The following KLKB1 variants were observed in gnomAD, a reference collection of about 807,000 sequenced individuals.
KLKB1 encodes the protein plasma kallikrein.
A neutral mutation model predicts 73.6 loss-of-function variants in KLKB1; 58 were observed. The ratio of observed to expected loss-of-function variants is 0.79; its 90% confidence interval spans 0.64 to 0.98. The LOEUF is 0.98. Among genes scored for constraint, KLKB1 ranks in the 50% least tolerant of loss-of-function variants. The pLI is 0.00. For synonymous variants in KLKB1, 280 were observed against 258.1 expected (o/e 1.08, Z -0.81); for missense variants, 737 against 763.8 (o/e 0.96, Z 0.41).
chr4:186,251,215 A>C lies in KLKB1; in HGVS notation c.759-4A>C, dbSNP rs769134611. ...TCTCTCTTGCTTTTTTTTAAAAAAA[A>C]TAGAAATGTTTGTCTTCTTAAAACA... On this transcript the variant is annotated splice_polypyrimidine_tract_variant and splice_region_variant and intron_variant, in intron 7 of 14. Transcript: ENST00000264690. 1.5e-5 allele frequency: 23 copies of C among 1,581,190 alleles called. No homozygotes were observed. In the South Asian group the frequency reaches 2.6e-4, roughly 18 times the overall value.
intron 5 of KLKB1, 52 bp from the exon 6 acceptor site, chr4:186,238,204 C>T (rs781075638): frequency 1.0e-4 from 118 of 1,135,092 alleles, no homozygotes; most frequent in Non-Finnish European, 1.5e-4. Flanking sequence ...CTGCACTGCT[C>T]CCTGCCCCTC....
In KLKB1 at chr4:186,257,271, C is replaced by G. The variant is rs756951302; in HGVS notation, c.1631C>G (p.Thr544Arg). The change falls in exon 14 of 15, where the codon ACA becomes AGA. Residue 544 changes from threonine to arginine, a missense_variant. By Grantham distance (71) the Thr-to-Arg change is moderately conservative. Coordinates refer to ENST00000264690, the MANE Select transcript of KLKB1 (RefSeq NM_000892.5). ...CAAAAGGTAAATATTCCTTTGGTAACAAATGAAGAATGCCAGAAAAGATAT... is the reference window on the plus strand; with the variant it reads ...CAAAAGGTAAATATTCCTTTGGTAAGAAATGAAGAATGCCAGAAAAGATAT... ...ILQKVNIPLV[T>R]NEECQKRYQD... 6.2e-7 allele frequency: 1 copy of G among 1,600,168 alleles called. No homozygotes were observed. The highest frequency in any genetic ancestry group is 1.1e-5 in the South Asian group (1 of 89,124).
At chr4:186,226,551 T>A (rs1468158259), upstream of KLKB1, 1 of 152,342 alleles carries the variant, frequency 6.6e-6, no homozygotes, top group Non-Finnish European at 1.5e-5. Context: ...GCACAAGGAC[T>A]GGCTTGAAGC....
chr4:186,232,386 C>T lies in KLKB1; in HGVS notation c.221+97C>T, dbSNP rs565625980. ...GTATAACTGAGAGTTCTTCCTCACACGGGGTTCAAGGACCAGCTTCAGCAA... is the reference window on the plus strand; with the variant it reads ...GTATAACTGAGAGTTCTTCCTCACATGGGGTTCAAGGACCAGCTTCAGCAA... On this transcript the variant is annotated intron_variant, in intron 3 of 14. Transcript: ENST00000264690. The T allele has an allele frequency of 1.8e-4, 214 of 1,180,850 alleles. 1 individual carries two copies. In the Middle Eastern group the frequency reaches 3.5e-3, roughly 19 times the overall value. 73.1% of individuals were successfully genotyped at this position (1,180,850 alleles called of 1,614,324 possible). A position where few individuals can be genotyped will look rare whatever the true frequency, so the allele number is the denominator to read the frequency against.
At chr4:186,255,911 A>G in intron 12 of KLKB1, 81 bp from the exon 13 acceptor site, 1 of 911,970 alleles carries the variant, frequency 1.1e-6, no homozygotes, top group East Asian at 2.6e-5. Flanking sequence ...AAGAGAAGAC[A>G]GAAAAAGAGA....
intron 6 of KLKB1, among the ~76,000 whole-genome samples, chr4:186,248,278 A>T (rs549477866): frequency 8.3e-4 from 127 of 152,148 alleles, no homozygotes; most frequent in African/African-American, 2.9e-3. Context: ...AAATAAAAAA[A>T]AAAAAGAAAG....
At chr4:186,236,711 G>A in intron 4 of KLKB1, 70 bp from the exon 5 acceptor site, 6 of 1,489,414 alleles carry the variant, frequency 4.0e-6, no homozygotes, top group East Asian at 4.5e-5. Flanking sequence ...AACCCAAATG[G>A]TAGTGGGTAT....
chr4:186,214,647 G>A (rs1736835236), intron 2 of KLKB1, among the ~76,000 whole-genome samples: 1 of 152,088 alleles, frequency 6.6e-6, no homozygotes, highest in South Asian at 2.1e-4. Flanking sequence ...TAGTTTTTTG[G>A]TTCTGCCATG....
At chr4:186,238,711 C>T (rs926127843) in intron 6 of KLKB1, among the ~76,000 whole-genome samples, 1 of 152,142 alleles carries the variant, frequency 6.6e-6, no homozygotes, top group African/African-American at 2.4e-5. Context: ...TTGAAAAGGG[C>T]GAGGAAAGAG....
At chr4:186,237,206 C>T (rs1015799522) in intron 5 of KLKB1, among the ~76,000 whole-genome samples, 2 of 152,154 alleles carry the variant, frequency 1.3e-5, no homozygotes, top group African/African-American at 4.8e-5. Flanking sequence ...TCAAGCGATT[C>T]TCCTGCCTCA....
chr4:186,245,802 GT>G lies in KLKB1; in HGVS notation c.599-4432del, dbSNP rs755207618. On this transcript the variant is annotated intron_variant, in intron 6 of 14. Coordinates refer to ENST00000264690, the MANE Select transcript of KLKB1 (RefSeq NM_000892.5). Reference sequence around the variant, plus strand: ...TGAGGGCTGGAATCTAATTTTTGGAGTTTTTTTTTGTTTGTTTTTTGGTTTT... The same window carrying G: ...TGAGGGCTGGAATCTAATTTTTGGAGTTTTTTTTGTTTGTTTTTTGGTTTT... Among the ~76,000 whole-genome samples, 8 of 54,882 alleles carry G rather than the reference GT, an allele frequency of 1.5e-4. 1 individual carries two copies. The highest frequency in any genetic ancestry group is 4.0e-4 in the African/African-American group (7 of 17,606). The allele number at this position is 54,882 out of a possible 152,430, so 36.0% of individuals were successfully genotyped here. A position where few individuals can be genotyped will look rare whatever the true frequency, so the allele number is the denominator to read the frequency against.
chr4:186,242,151 TG>T (rs4253265), intron 6 of KLKB1, among the ~76,000 whole-genome samples: 40,728 of 146,002 alleles, frequency 0.28, 5,616 homozygotes, highest in South Asian at 0.32. Context: ...CGGGCAGCGG[TG>T]GGGGGTCACA....
chr4:186,258,129 A>C lies in KLKB1; in HGVS notation c.1834A>C (p.Thr612Pro). Reference sequence around the variant, plus strand: ...CCGCAGGGAGCAACCTGGTGTCTACACCAAAGTCGCTGAGTACATGGACTG... The same window carrying C: ...CCGCAGGGAGCAACCTGGTGTCTACCCCAAAGTCGCTGAGTACATGGACTG... ...CARREQPGVY[T>P]KVAEYMDWIL... is the part of the protein sequence containing the mutation. The change falls in exon 15 of 15, where the codon ACC (threonine) becomes CCC (proline). Residue 612 changes from threonine to proline, a missense_variant. By Grantham distance (38) the Thr-to-Pro change is conservative (BLOSUM62 -1). Transcript: ENST00000264690. 3 of 1,614,224 alleles carry C rather than the reference A, an allele frequency of 1.9e-6. No homozygotes were observed. The highest frequency in any genetic ancestry group is 2.5e-6 in the Non-Finnish European group (3 of 1,180,028).
chr4:186,215,355 TC>T, intron 2 of KLKB1, among the ~76,000 whole-genome samples: 1 of 48,922 alleles, frequency 2.0e-5, no homozygotes, highest in Non-Finnish European at 6.1e-5. Flanking sequence ...TTTCCTTCTT[TC>T]TTTCCTTCCT....
At chr4:186,227,369 A>G (rs577128327), upstream of KLKB1, 56 of 152,338 alleles carry the variant, frequency 3.7e-4, 1 homozygote, top group African/African-American at 1.2e-3. Context: ...TCTTGCTGAC[A>G]TCACTCCCTG....
chr4:186,236,701 A>G, intron 4 of KLKB1, 80 bp from the exon 5 acceptor site: 1 of 1,440,048 alleles, frequency 6.9e-7, no homozygotes, highest in Non-Finnish European at 9.7e-7. Flanking sequence ...CTAAACTACC[A>G]ACCCAAATGG....
At chr4:186,224,930 G>C (rs1387343261), upstream of KLKB1, among the ~76,000 whole-genome samples, 2 of 152,192 alleles carry the variant, frequency 1.3e-5, no homozygotes, top group African/African-American at 2.4e-5. Context: ...ATTGGATCAT[G>C]GAGGTGGTTT....
chr4:186,250,043 G>A (rs1397123394), intron 6 of KLKB1, among the ~76,000 whole-genome samples, 200 bp from the exon 7 acceptor site: 2 of 152,130 alleles, frequency 1.3e-5, no homozygotes, highest in African/African-American at 2.4e-5. Context: ...ATAGGAATTT[G>A]CCCCTTAGAG....
chr4:186,221,704 C>T (rs1737036310), upstream of KLKB1, among the ~76,000 whole-genome samples: 1 of 152,096 alleles, frequency 6.6e-6, no homozygotes, highest in Non-Finnish European at 1.5e-5. Flanking sequence ...TTTCCATGGC[C>T]TAACATATAA....
Sources: gnomAD v4.1 joint callset for allele counts (sites outside exome capture counted in the v4.1 genomes callset) on GRCh38, gnomAD v4.1.1 for gene constraint, MANE v1.5 for transcripts, NCBI Gene and HGNC (gene_info 2026-07-23, HGNC 2026-07-21) for gene names.